The following ZNF385D variants were observed in gnomAD, a reference collection of about 807,000 sequenced individuals.
ZNF385D encodes the protein zinc finger protein 385D, also known as zinc finger protein 659.
In ZNF385D, 15 loss-of-function variants were observed where a neutral mutation model predicts 35.8. The ratio of observed to expected loss-of-function variants is 0.42; its 90% CI spans 0.28 to 0.64. The LOEUF is 0.64. Ranked by LOEUF, ZNF385D falls within the 30% of genes least tolerant of loss-of-function variation. The probability of loss-of-function intolerance (pLI) is 0.23; values close to 1 mark genes in which losing one functional copy is unlikely to be tolerated. For missense variants in ZNF385D, 474 were observed against 494.6 expected (o/e 0.96, Z 0.39); for synonymous variants, 212 against 186.8 (o/e 1.13, Z -1.10).
intron 3 of ZNF385D, among the ~76,000 whole-genome samples, chr3:22,124,462 A>G (rs1703309684): frequency 7.2e-6 from 1 of 139,634 alleles, no homozygotes; most frequent in African/African-American, 2.7e-5. Context: ...GTATTGCTGG[A>G]TCACACAGTA....
At chr3:22,224,943 G>T (rs1698466990) in intron 2 of ZNF385D, among the ~76,000 whole-genome samples, 1 of 152,206 alleles carries the variant, frequency 6.6e-6, no homozygotes, top group African/African-American at 2.4e-5. Flanking sequence ...GTGCTCTCAT[G>T]AATAAAACAT....
chr3:21,757,156 G>A (rs1462188378), intron 3 of ZNF385D, among the ~76,000 whole-genome samples: 1 of 88,660 alleles, frequency 1.1e-5, no homozygotes, highest in African/African-American at 5.1e-5. Context: ...TTGAGATGGT[G>A]TCTCACTCTC....
intron 2 of ZNF385D, among the ~76,000 whole-genome samples, chr3:21,653,127 A>G (rs2065967463): frequency 6.6e-6 from 1 of 152,118 alleles, no homozygotes; most frequent in South Asian, 2.1e-4. Context: ...AAAAATACAC[A>G]CACATACACA....
intron 1 of ZNF385D, among the ~76,000 whole-genome samples, chr3:21,723,971 C>A (rs1010935970): frequency 5.3e-5 from 8 of 152,232 alleles, no homozygotes; most frequent in Non-Finnish European, 1.0e-4. Flanking sequence ...ACCCTACAAG[C>A]CAGAAGAGAG....
rs566484246 is a variant in ZNF385D, at chr3:21,765,307, T to C, written c.326-100279A>G. ...AGAAATAAAAGTAAGGGATCAATACTGATGGAAAAATATAGGTAACTTTGA... is the reference window on the plus strand; with the variant it reads ...AGAAATAAAAGTAAGGGATCAATACCGATGGAAAAATATAGGTAACTTTGA... On this transcript the variant is annotated intron_variant, in intron 3 of 5. Transcript: ENST00000494108. Among the ~76,000 whole-genome samples the C allele has an allele frequency of 5.7e-4, 86 of 151,980 alleles. No individual in the cohort carries two copies. The South Asian group carries it at 9.7e-3, about 17-fold the overall frequency.
chr3:21,763,787 T>C (rs2070718720), intron 3 of ZNF385D, among the ~76,000 whole-genome samples: 1 of 152,224 alleles, frequency 6.6e-6, no homozygotes, highest in Admixed American at 6.5e-5. Context: ...CATTTTAATC[T>C]CTGCTTTGGT....
At chr3:22,233,300 A>C (rs1432036028) in intron 2 of ZNF385D, among the ~76,000 whole-genome samples, 1 of 148,562 alleles carries the variant, frequency 6.7e-6, no homozygotes, top group Non-Finnish European at 1.5e-5. Context: ...AATCCTGCTT[A>C]AGTGCAAAAA....
intron 3 of ZNF385D, among the ~76,000 whole-genome samples, chr3:21,863,967 A>G (rs866634170): frequency 2.0e-5 from 3 of 152,124 alleles, no homozygotes; most frequent in African/African-American, 4.8e-5. Flanking sequence ...AAGATGCTAC[A>G]TTTCCAACAA....
chr3:21,738,285 G>T (rs188620458), intron 1 of ZNF385D, among the ~76,000 whole-genome samples: 1 of 152,234 alleles, frequency 6.6e-6, no homozygotes, highest in African/African-American at 2.4e-5. Context: ...TGGTGAGGAG[G>T]TCTGTGTTAT....
intron 2 of ZNF385D, among the ~76,000 whole-genome samples, chr3:22,309,725 T>G (rs571281695): frequency 6.6e-6 from 1 of 152,014 alleles, no homozygotes; most frequent in Non-Finnish European, 1.5e-5. Context: ...ATCTCAAGGG[T>G]CACCACTCTT....
intron 3 of ZNF385D, among the ~76,000 whole-genome samples, chr3:22,044,764 T>A (rs1464352015): frequency 1.3e-5 from 2 of 151,992 alleles, no homozygotes; most frequent in African/African-American, 4.8e-5. Context: ...GAGTCTTTTC[T>A]TCCAAGATCT....
upstream of ZNF385D, chr3:21,751,224 G>A (rs2070065849): frequency 3.2e-6 from 4 of 1,252,036 alleles, no homozygotes; most frequent in Admixed American, 1.2e-4. Context: ...AGTACTACAA[G>A]CAGACCCCTC....
rs540401881 is a variant in ZNF385D, at chr3:22,199,204, C to T, written c.107-30169G>A. Among the ~76,000 whole-genome samples, 170 of 152,068 alleles carry T rather than the reference C, an allele frequency of 1.1e-3. 1 individual carries two copies. Among genetic ancestry groups the T allele is most frequent in the Non-Finnish European group, 1.9e-3 (129 of 67,992 alleles). ...GGTCTGAAGTTTTAGTTTCTGTCCCCTCCACCCTGCTTTTCCATCCCTTTG... is the reference window on the plus strand; with the variant it reads ...GGTCTGAAGTTTTAGTTTCTGTCCCTTCCACCCTGCTTTTCCATCCCTTTG... On this transcript the variant is annotated intron_variant, in intron 2 of 5. Coordinates refer to the ZNF385D transcript ENST00000494108.
At chr3:21,570,731 G>A (rs2063310215) in intron 2 of ZNF385D, among the ~76,000 whole-genome samples, 1 of 152,006 alleles carries the variant, frequency 6.6e-6, no homozygotes, top group Non-Finnish European at 1.5e-5. Context: ...TAGTAAGTGG[G>A]AGACTTGCTA....
chr3:22,077,089 G>C (rs990435649), intron 3 of ZNF385D, among the ~76,000 whole-genome samples: 2 of 151,648 alleles, frequency 1.3e-5, no homozygotes, highest in African/African-American at 4.8e-5. Context: ...CCATATTTAA[G>C]GAAAATTAAA....
intron 3 of ZNF385D, among the ~76,000 whole-genome samples, chr3:21,828,210 T>C (rs1343612086): frequency 6.6e-6 from 1 of 152,226 alleles, no homozygotes; most frequent in African/African-American, 2.4e-5. Flanking sequence ...AAAATATTCC[T>C]TTTAAACTAA....
rs1464392071 is a variant in ZNF385D at position 21,751,196 on chromosome 3, T to A, written c.-280A>T. ...CTCCTTGCGATGTCCTTGCCGCGCC[T>A]GTGACATCAGGACTGAGAGTACTAC... On this transcript the variant is annotated 5_prime_UTR_variant, in exon 1 of 8. Coordinates refer to ENST00000281523, the MANE Select transcript of ZNF385D (RefSeq NM_024697.3). The A allele has an allele frequency of 1.2e-5, 16 of 1,361,240 alleles. No homozygotes were observed. The South Asian group carries it at 1.5e-4, about 13-fold the overall frequency. The allele number at this position is 1,361,240 out of a possible 1,614,324, so 84.3% of individuals were successfully genotyped here. A position where few individuals can be genotyped will look rare whatever the true frequency, so the allele number is the denominator to read the frequency against.
At chr3:22,303,027 G>A (rs1028811103) in intron 2 of ZNF385D, among the ~76,000 whole-genome samples, 1 of 151,758 alleles carries the variant, frequency 6.6e-6, no homozygotes, top group African/African-American at 2.4e-5. Flanking sequence ...CATCTTTTTT[G>A]TTAATGTTGT....
intron 4 of ZNF385D, among the ~76,000 whole-genome samples, chr3:21,463,148 T>C (rs1415956482): frequency 6.6e-6 from 1 of 152,114 alleles, no homozygotes; most frequent in Non-Finnish European, 1.5e-5. Context: ...TTTTATTAGA[T>C]GTAGTAATTT....
Sources: allele counts gnomAD v4.1 joint callset (sites outside exome capture counted in the v4.1 genomes callset), GRCh38; gene constraint gnomAD v4.1.1; transcripts MANE v1.5; gene names NCBI Gene and HGNC (gene_info 2026-07-23, HGNC 2026-07-21).